Variants in DYRK1B observed in about 807,000 individuals in gnomAD.
The protein encoded by DYRK1B is dual specificity tyrosine phosphorylation regulated kinase 1B, also known as dual specificity tyrosine-phosphorylation-regulated kinase 1B.
A neutral mutation model predicts 57.1 loss-of-function variants in DYRK1B; 20 were observed. That is an observed-to-expected ratio of 0.35 (90% CI 0.25 to 0.51). DYRK1B has a LOEUF of 0.51. Ranked by LOEUF, DYRK1B falls within the 20% of genes least tolerant of loss-of-function variation. The probability of loss-of-function intolerance (pLI) is 0.96; values close to 1 mark genes in which losing one functional copy is unlikely to be tolerated. For synonymous variants in DYRK1B, 409 were observed against 384.7 expected (o/e 1.06, Z -0.74); for missense variants, 732 against 886.3 (o/e 0.83, Z 2.21).
chr19:39,832,699 A>G (rs1204190207), intron 1 of DYRK1B, among the ~76,000 whole-genome samples: 1 of 152,004 alleles, frequency 6.6e-6, no homozygotes, highest in Non-Finnish European at 1.5e-5. Context: ...CCCTCTCCAT[A>G]TCATGCCAAG....
In DYRK1B at chr19:39,825,938, G is replaced by A; in HGVS notation, c.1667C>T (p.Thr556Ile). The A allele has an allele frequency of 1.3e-6, 2 of 1,537,510 alleles. No individual in the cohort carries two copies. The highest frequency in any genetic ancestry group is 1.7e-6 in the Non-Finnish European group (2 of 1,144,716). Residue 556 changes from threonine (T) to isoleucine (I), a missense_variant, in exon 11 of 11, where the codon ACC (threonine) becomes ATC (isoleucine). Around this residue, in one of 2 missense-constraint regions of DYRK1B, gnomAD observed 222 missense variants for 205.0 expected, o/e 1.08. Coordinates refer to ENST00000323039, the MANE Select transcript of DYRK1B (RefSeq NM_004714.3). ...PRYLGRPPSP[T>I]SPPPPELMDV... ...CATCAGCTCCGGGGGTGGTGGTGAG[G>A]TTGGTGATGGGGGACGACCAAGGTA...
chr19:39,827,213 C>T, intron 8 of DYRK1B, 72 bp downstream of exon 8: 3 of 1,513,590 alleles, frequency 2.0e-6, no homozygotes, highest in Non-Finnish European at 2.7e-6. Context: ...GGAGAGGGAG[C>T]AGGGGGAGAG....
At position 39,827,378 on chromosome 19, in the gene DYRK1B, G is replaced by A. The variant is rs146996483; in HGVS notation, c.1002C>T (p.Ala334=). ...RIVEVLGIPP[A]AMLDQAPKAR... The stretch of plus-strand genomic sequence containing the variant: ...CCTTGGGCGCCTGGTCCAGCATGGC[G>A]GCCGGTGGGATGCCCAGCACCTCCA... The change falls in exon 8 of 11, where the codon GCC becomes GCT. Residue 334 remains alanine (A), a synonymous_variant. Coordinates refer to ENST00000323039, the MANE Select transcript of DYRK1B (RefSeq NM_004714.3). 391 of 1,613,730 alleles carry A rather than the reference G, an allele frequency of 2.4e-4. No homozygotes were observed. The highest frequency in any genetic ancestry group is 1.0e-3 in the Admixed American group (60 of 60,006).
chr19:39,833,350 G>A (rs1968916082), intron 1 of DYRK1B: 3 of 985,454 alleles, frequency 3.0e-6, no homozygotes, highest in South Asian at 4.7e-5. Flanking sequence ...CAGCATGGCG[G>A]CGGTGGCGGC....
In DYRK1B at chr19:39,830,724, G is replaced by C. The variant is rs949236193; in HGVS notation, c.123C>G (p.Thr41=). Residue 41 remains threonine, a synonymous_variant, in exon 3 of 11, where the codon ACC becomes ACG. Transcript: ENST00000323039. ...CAGAGAGCTTACGCAGCGGGGCTGA[G>C]GTTGCATCCCGGAAGGCCAGGGGCA... The part of the protein sequence containing the change: ...RRLPLAFRDA[T]SAPLRKLSVD... 1.9e-6 allele frequency: 3 copies of C among 1,614,058 alleles called. No individual in the cohort carries two copies. The highest frequency in any genetic ancestry group is 2.7e-5 in the African/African-American group (2 of 74,938).
At chr19:39,831,682 A>G (rs1361002481) in intron 2 of DYRK1B, 123 bp downstream of exon 2, 34 of 1,261,230 alleles carry the variant, frequency 2.7e-5, no homozygotes, top group Non-Finnish European at 3.7e-5. Context: ...TTCCAATCCC[A>G]TGGGACCCAT....
At position 39,830,686 on chromosome 19, in the gene DYRK1B, T is replaced by C; in HGVS notation, c.161A>G (p.Lys54Arg). ...PLRKLSVDLI[K>R]TYKHINEVYY... ...CACCTCATTGATGTGCTTGTAGGTC[T>C]TGATGAGGTCCACAGAGAGCTTACG... Residue 54 changes from lysine (K) to arginine (R), a missense_variant, in exon 3 of 11, where the codon AAG (lysine) becomes AGG (arginine). This residue lies in a region of DYRK1B where 510 missense variants were observed against 681.3 expected (regional missense o/e 0.75). Coordinates refer to ENST00000323039, the MANE Select transcript of DYRK1B (RefSeq NM_004714.3). 6.2e-7 allele frequency: 1 copy of C among 1,614,106 alleles called. No homozygotes were observed. Among genetic ancestry groups the C allele is most frequent in the East Asian group, 2.2e-5 (1 of 44,880 alleles).
chr19:39,826,065 G>C lies in DYRK1B; in HGVS notation c.1540C>G (p.Arg514Gly). Residue 514 changes from arginine (R) to glycine (G), a missense_variant, in exon 11 of 11, where the codon CGG becomes GGG. By Grantham distance (125) the Arg-to-Gly change is moderately radical (BLOSUM62 -2). Around this residue, in one of 2 missense-constraint regions of DYRK1B, gnomAD observed 222 missense variants for 205.0 expected, o/e 1.08. Transcript: ENST00000323039. This position sits in a 1 kb window ranked among gnomAD's most constrained non-coding sequence, Gnocchi z 6.3. Reference sequence around the variant, plus strand: ...GGCACATCACCCCCTGCCCAGGGCCGCAGCGGCTGGGAGGGTGGGACCTAA... The same window carrying C: ...GGCACATCACCCCCTGCCCAGGGCCCCAGCGGCTGGGAGGGTGGGACCTAA... ...SPQVPPSQPL[R>G]PWAGGDVPHK... 1.3e-6 allele frequency: 2 copies of C among 1,520,086 alleles called. No homozygotes were observed. Among genetic ancestry groups the C allele is most frequent in the Non-Finnish European group, 1.8e-6 (2 of 1,137,196 alleles). 94.2% of individuals were successfully genotyped at this position (1,520,086 alleles called of 1,614,324 possible).
chr19:39,825,869 T>G lies in DYRK1B; in HGVS notation c.1736A>C (p.His579Pro). The G allele has an allele frequency of 6.3e-7, 1 of 1,597,894 alleles. No individual in the cohort carries two copies. Residue 579 changes from histidine (H) to proline (P), a missense_variant, in exon 11 of 11, where the codon CAC becomes CCC. This residue lies in a region of DYRK1B where 222 missense variants were observed against 205.0 expected (regional missense o/e 1.08). Transcript: ENST00000323039. ...CGGGTGCTGGGGGGCAGGCGCTGGG[T>G]GAGGTGGGGAGCAGTCAGCAGGGCC... ...VGGPADCSPPHPAPAPQHPAA... is the reference protein window; with the variant it reads ...VGGPADCSPPPPAPAPQHPAA...
chr19:39,832,929 C>T (rs1968888488), intron 1 of DYRK1B: 1 of 984,832 alleles, frequency 1.0e-6, no homozygotes, highest in Non-Finnish European at 1.2e-6. Flanking sequence ...GCTTCCTTGC[C>T]CCCCTACACA....
At chr19:39,833,001 G>A (rs1411051374) in intron 1 of DYRK1B, 2 of 984,906 alleles carry the variant, frequency 2.0e-6, no homozygotes, top group African/African-American at 1.8e-5. Context: ...TTTATACCAG[G>A]GTCATTCCAC....
At position 39,830,487 on chromosome 19, in the gene DYRK1B, A is replaced by C; in HGVS notation, c.260T>G (p.Val87Gly). 2 of 1,614,056 alleles carry C rather than the reference A, an allele frequency of 1.2e-6. No homozygotes were observed. The highest frequency in any genetic ancestry group is 1.7e-6 in the Non-Finnish European group (2 of 1,179,992). Residue 87 changes from valine (V) to glycine (G), a missense_variant, in exon 4 of 11, where the codon GTC becomes GGC. This residue lies in a region of DYRK1B where 510 missense variants were observed against 681.3 expected (regional missense o/e 0.75). Transcript: ENST00000323039. Reference sequence around the variant, plus strand: ...GTCGTCATCATAACCATGGTTCAGGACCTTCTTCTCCTTCTTGTTGCTCGA... The same window carrying C: ...GTCGTCATCATAACCATGGTTCAGGCCCTTCTTCTCCTTCTTGTTGCTCGA... ...QDSSNKKEKKVLNHGYDDDNH... is the reference protein window; with the variant it reads ...QDSSNKKEKKGLNHGYDDDNH...
In DYRK1B at chr19:39,825,670, G is replaced by T; in HGVS notation, c.*45C>A. 6.6e-6 allele frequency: 10 copies of T among 1,519,926 alleles called. No individual in the cohort carries two copies. The highest frequency in any genetic ancestry group is 1.2e-5 in the South Asian group (1 of 83,044). The allele number at this position is 1,519,926 out of a possible 1,614,324, so 94.2% of individuals were successfully genotyped here. A position where few individuals can be genotyped will look rare whatever the true frequency, so the allele number is the denominator to read the frequency against. On this transcript the variant is annotated 3_prime_UTR_variant, in exon 11 of 11. Coordinates refer to ENST00000323039, the MANE Select transcript of DYRK1B (RefSeq NM_004714.3). ...GGATGGGAGCCCAGGGCCCCCAGAT[G>T]GGGGAGGGTATGGCTTCAGGAGGGG...
rs558804930 is a variant in DYRK1B at position 39,825,941 on chromosome 19, G to A, written c.1664C>T (p.Pro555Leu). The A allele has an allele frequency of 4.6e-6, 7 of 1,536,598 alleles. No homozygotes were observed. The South Asian group carries it at 7.7e-5, about 17-fold the overall frequency. ...QPRYLGRPPS[P>L]TSPPPPELMD... ...CAGCTCCGGGGGTGGTGGTGAGGTT[G>A]GTGATGGGGGACGACCAAGGTATCG... The change falls in exon 11 of 11, where the codon CCA becomes CTA. Residue 555 changes from proline to leucine, a missense_variant. Pro to Leu is a moderately conservative substitution (Grantham distance 98). Coordinates refer to ENST00000323039, the MANE Select transcript of DYRK1B (RefSeq NM_004714.3).
chr19:39,833,174 G>A, intron 1 of DYRK1B: 1 of 985,542 alleles, frequency 1.0e-6, no homozygotes, highest in Non-Finnish European at 1.2e-6. Context: ...GCCACTCCAC[G>A]ACTCCTCCAC....
Position 39,826,663 on chromosome 19 carries a change from G to C in DYRK1B, c.1411+9C>G. 6.3e-7 allele frequency: 1 copy of C among 1,592,636 alleles called. No homozygotes were observed. The highest frequency in any genetic ancestry group is 8.5e-7 in the Non-Finnish European group (1 of 1,171,268). On this transcript the variant is annotated intron_variant, in intron 9 of 10. Transcript: ENST00000323039. The surrounding 1 kb of genome is among the most constrained non-coding windows in gnomAD (Gnocchi z 6.3). ...CCGTTGTACCCCATTTGGGCACCTGGGCACCCACCAGAACTGGAGATGGAG... is the reference window on the plus strand; with the variant it reads ...CCGTTGTACCCCATTTGGGCACCTGCGCACCCACCAGAACTGGAGATGGAG...
intron 1 of DYRK1B, chr19:39,833,306 C>A: frequency 2.0e-6 from 2 of 985,426 alleles, no homozygotes; most frequent in Non-Finnish European, 2.4e-6. Context: ...GGGGCTGGGG[C>A]GCGGTGGGGC....
In DYRK1B at chr19:39,825,414, C is replaced by CCA. The variant is rs1018190979; in HGVS notation, c.*299_*300dup. The CCA allele has an allele frequency of 2.6e-6, 1 of 380,170 alleles. No homozygotes were observed. Among genetic ancestry groups the CCA allele is most frequent in the Non-Finnish European group, 4.8e-6 (1 of 209,490 alleles). 23.5% of individuals were successfully genotyped at this position (380,170 alleles called of 1,614,324 possible). On this transcript the variant is annotated 3_prime_UTR_variant, in exon 11 of 11. Transcript: ENST00000323039. Reference sequence around the variant, plus strand: ...CAAGGCCATCTCCCCCTACCTGCCCCCACCCCCTCCTAGGGTCCTGGGGTG... The same window carrying CCA: ...CAAGGCCATCTCCCCCTACCTGCCCCCACACCCCCTCCTAGGGTCCTGGGGTG...
At chr19:39,830,221 T>C (rs955525386) in intron 4 of DYRK1B, 154 bp downstream of exon 4, 51 of 1,171,420 alleles carry the variant, frequency 4.4e-5, no homozygotes, top group Admixed American at 3.2e-4. Flanking sequence ...AGTCTTGTTA[T>C]TTAAACTGTT....
Sources: gnomAD v4.1 joint callset for allele counts (sites outside exome capture counted in the v4.1 genomes callset) on GRCh38, gnomAD v4.1.1 for gene constraint, gnomAD v4.1.1 regional missense constraint, Gnocchi (gnomAD v3.1) non-coding constraint, MANE v1.5 for transcripts, NCBI Gene and HGNC (gene_info 2026-07-23, HGNC 2026-07-21) for gene names.